Variants in HYDIN observed in about 807,000 individuals in gnomAD.
HYDIN encodes HYDIN axonemal central pair apparatus protein, also known as axonemal central pair apparatus protein HYDIN.
A neutral mutation model predicts 403.9 loss-of-function variants in HYDIN; 132 were observed. The ratio of observed to expected loss-of-function variants is 0.33; its 90% CI spans 0.28 to 0.38. The LOEUF is 0.38. Among genes scored for constraint, HYDIN ranks in the 10% least tolerant of loss-of-function variants. The probability of loss-of-function intolerance (pLI) is 1.00; values close to 1 mark genes in which losing one functional copy is unlikely to be tolerated. For synonymous variants in HYDIN, 1,202 were observed against 1,891.7 expected, an observed-to-expected ratio of 0.64 and a Z score of 9.46; for missense variants, 2,827 against 5,009.5, an observed-to-expected ratio of 0.56 and a Z score of 13.15.
intron 13 of HYDIN, among the ~76,000 whole-genome samples, chr16:71,075,257 AAAAGT>A (rs2082594478): frequency 1.3e-5 from 2 of 151,894 alleles, no homozygotes; most frequent in Non-Finnish European, 2.9e-5. Flanking sequence ...AAAACAAAAG[AAAAGT>A]AAATTGTTTC....
chr16:71,003,113 G>T (rs2079774739), intron 23 of HYDIN, among the ~76,000 whole-genome samples: 1 of 152,018 alleles, frequency 6.6e-6, no homozygotes, highest in African/African-American at 2.4e-5. Flanking sequence ...TGTTTCTGGG[G>T]TCTTTGTTCT....
At chr16:71,228,722 T>C (rs1418088926) in intron 1 of HYDIN, among the ~76,000 whole-genome samples, 1 of 152,186 alleles carries the variant, frequency 6.6e-6, no homozygotes, top group Non-Finnish European at 1.5e-5. Flanking sequence ...TGTAAACTAG[T>C]TCAACCATTG....
At chr16:70,932,198 T>C (rs2077362732) in intron 45 of HYDIN, among the ~76,000 whole-genome samples, 1 of 145,464 alleles carries the variant, frequency 6.9e-6, no homozygotes, top group South Asian at 2.2e-4. Context: ...CTACTAAAAA[T>C]ATAAAAATTA....
chr16:71,179,940 T>C (rs2086833106), intron 3 of HYDIN, among the ~76,000 whole-genome samples: 1 of 152,180 alleles, frequency 6.6e-6, no homozygotes, highest in Non-Finnish European at 1.5e-5. Flanking sequence ...GGCACACAGT[T>C]TGAAAACTGC....
At chr16:71,005,567 T>C (rs1422722552) in intron 23 of HYDIN, among the ~76,000 whole-genome samples, 1 of 152,182 alleles carries the variant, frequency 6.6e-6, no homozygotes, top group Non-Finnish European at 1.5e-5. Flanking sequence ...CACTCTATGA[T>C]ATTTTGTTAC....
intron 7 of HYDIN, among the ~76,000 whole-genome samples, chr16:71,150,743 A>C (rs1283721581): frequency 6.6e-6 from 1 of 152,258 alleles, no homozygotes; most frequent in Non-Finnish European, 1.5e-5. Flanking sequence ...CTGCTTATTA[A>C]GAAATATTAT....
At chr16:70,853,186 A>G (rs183278969) in intron 73 of HYDIN, among the ~76,000 whole-genome samples, 213 of 152,290 alleles carry the variant, frequency 1.4e-3, no homozygotes, top group Admixed American at 6.0e-3. Context: ...GTCTAAGAAT[A>G]GTAATAAAAA....
At chr16:70,910,296 C>T (rs2076661742) in intron 47 of HYDIN, among the ~76,000 whole-genome samples, 1 of 152,006 alleles carries the variant, frequency 6.6e-6, no homozygotes, top group Admixed American at 6.6e-5. Flanking sequence ...CCTTTGTGTC[C>T]CCATAGCTTG....
chr16:70,817,592 G>A (rs1431568251), intron 84 of HYDIN: 1 of 152,236 alleles, frequency 6.6e-6, no homozygotes, highest in Non-Finnish European at 1.5e-5. Context: ...CTCCCTGCCA[G>A]TTCACAATTC....
At position 70,981,388 on chromosome 16, in the gene HYDIN, T is replaced by C; in HGVS notation, c.4510+3A>G. 9 of 1,613,116 alleles carry C rather than the reference T, an allele frequency of 5.6e-6. No individual in the cohort carries two copies. The highest frequency in any genetic ancestry group is 1.1e-5 in the South Asian group (1 of 90,930). ...GGGGAACTACTCCAGTGTGAAGTAC[T>C]ACCTGTGAGGTTCCTGGGGAGATCG... On this transcript the variant is annotated splice_donor_region_variant and intron_variant, in intron 29 of 85. Coordinates refer to ENST00000393567, the MANE Select transcript of HYDIN (RefSeq NM_001270974.2).
chr16:70,993,960 G>T (rs1307068966), intron 23 of HYDIN, among the ~76,000 whole-genome samples: 1 of 151,978 alleles, frequency 6.6e-6, no homozygotes, highest in East Asian at 1.9e-4. Flanking sequence ...TATAGTAAAT[G>T]ATATAGTCTA....
intron 23 of HYDIN, among the ~76,000 whole-genome samples, chr16:71,009,692 C>T (rs1312918452): frequency 6.8e-6 from 1 of 146,976 alleles, no homozygotes; most frequent in East Asian, 2.1e-4. Context: ...GTGATCTAAC[C>T]ACAGGTGCCC....
At chr16:70,969,111 T>TA (rs1186790511) in intron 36 of HYDIN, among the ~76,000 whole-genome samples, 10 of 151,436 alleles carry the variant, frequency 6.6e-5, no homozygotes, top group South Asian at 4.2e-4. Flanking sequence ...AAAATAGACT[T>TA]AAAAAAAAGA....
chr16:70,951,003 G>A (rs1430562116), intron 41 of HYDIN, among the ~76,000 whole-genome samples: 1 of 152,148 alleles, frequency 6.6e-6, no homozygotes, highest in Non-Finnish European at 1.5e-5. Context: ...CAGAGGCAGA[G>A]CCAGGAGGAT....
At chr16:70,938,131 C>A (rs1454660191) in intron 44 of HYDIN, among the ~76,000 whole-genome samples, 1 of 152,238 alleles carries the variant, frequency 6.6e-6, no homozygotes, top group African/African-American at 2.4e-5. Context: ...CAGCACCGCC[C>A]AAGGCCAAGA....
intron 62 of HYDIN, among the ~76,000 whole-genome samples, chr16:70,879,029 C>G (rs548419189): frequency 6.6e-6 from 1 of 150,602 alleles, no homozygotes; most frequent in Non-Finnish European, 1.5e-5. Flanking sequence ...TTAAGAACAC[C>G]CATAATCCTA....
chr16:71,130,805 C>T (rs1458676540), intron 8 of HYDIN, among the ~76,000 whole-genome samples: 1 of 147,878 alleles, frequency 6.8e-6, no homozygotes, highest in East Asian at 1.9e-4. Context: ...CGGTTTTCTC[C>T]CCCTGTCAAC....
At chr16:71,012,755 T>A (rs532939549) in intron 23 of HYDIN, among the ~76,000 whole-genome samples, 3 of 152,304 alleles carry the variant, frequency 2.0e-5, no homozygotes, top group Admixed American at 6.5e-5. Flanking sequence ...AGTGTTCGTG[T>A]ATGTCTGATA....
intron 1 of HYDIN, among the ~76,000 whole-genome samples, chr16:71,212,026 A>C (rs2088620029): frequency 2.0e-5 from 3 of 152,178 alleles, no homozygotes; most frequent in African/African-American, 7.2e-5. Flanking sequence ...ACAACAATCA[A>C]AAAAAGTCGA....
Sources: gnomAD v4.1 joint callset for allele counts (sites outside exome capture counted in the v4.1 genomes callset) on GRCh38, gnomAD v4.1.1 for gene constraint, MANE v1.5 for transcripts, NCBI Gene and HGNC (gene_info 2026-07-23, HGNC 2026-07-21) for gene names.